Variants in SAMD9L observed in about 807,000 individuals in gnomAD.
The protein encoded by SAMD9L is sterile alpha motif domain containing 9 like, also known as sterile alpha motif domain-containing protein 9-like.
In SAMD9L, 68 loss-of-function variants were observed where a neutral mutation model predicts 90.7. The ratio of observed to expected loss-of-function variants is 0.75; its 90% CI spans 0.62 to 0.92. The LOEUF is 0.92. Ranked by LOEUF, SAMD9L falls within the 40% of genes least tolerant of loss-of-function variation. The pLI, the probability that SAMD9L is intolerant of heterozygous loss-of-function variation, is 0.00. For synonymous variants in SAMD9L, 640 were observed against 630.1 expected (o/e 1.02, Z -0.23); for missense variants, 1,604 against 1,824.3 (o/e 0.88, Z 2.20).
At position 93,132,834 on chromosome 7, in the gene SAMD9L, C is replaced by A. The variant is rs1195994018; in HGVS notation, c.3138G>T (p.Val1046=). The A allele has an allele frequency of 6.2e-7, 1 of 1,613,798 alleles. No individual in the cohort carries two copies. Among genetic ancestry groups the A allele is most frequent in the Non-Finnish European group, 8.5e-7 (1 of 1,179,792 alleles). Residue 1046 remains valine, a synonymous_variant, in exon 5 of 5, where the codon GTG becomes GTT. Transcript: ENST00000318238. Reference sequence around the variant, plus strand: ...ACAGAGTGTCTGTTTCATCTCCATACACCTTGCGCTGTCTTGTAAGCAGAA... The same window carrying A: ...ACAGAGTGTCTGTTTCATCTCCATAAACCTTGCGCTGTCTTGTAAGCAGAA... ...QTLLLTRQRK[V]YGDETDTLFS... is the part of the protein sequence containing the mutation.
rs138514804 is a variant in SAMD9L, at chr7:93,135,536, C to T, written c.436G>A (p.Ala146Thr). The change falls in exon 5 of 5, where the codon GCA becomes ACA. Residue 146 changes from alanine to threonine, a missense_variant. Physicochemically the swap from Ala to Thr is moderately conservative, Grantham distance 58. This residue lies in a region of SAMD9L where 374 missense variants were observed against 363.6 expected (regional missense o/e 1.03). Coordinates refer to ENST00000318238, the MANE Select transcript of SAMD9L (RefSeq NM_152703.5). ...CCCTTTTTCTTGTGTTTAGCATTTG[C>T]TACTTCATCTAACACATTTTCTTTC... Reference protein sequence around the residue: ...LMKENVLDEVANAKHKKKGKL... With the variant: ...LMKENVLDEVTNAKHKKKGKL... 3.7e-6 allele frequency: 6 copies of T among 1,613,852 alleles called. No individual in the cohort carries two copies. In the African/African-American group the frequency reaches 8.0e-5, roughly 22 times the overall value.
chr7:93,132,034 C>T lies in SAMD9L; in HGVS notation c.3938G>A (p.Cys1313Tyr), dbSNP rs751866365. The stretch of plus-strand genomic sequence containing the variant: ...TTGACTCTCTTTACTTTGTAATAGA[C>T]ATGGATCCAAATGACAGAAAAGTTC... ...YTELFCHLDP[C>Y]LLQSKESQLL... The change falls in exon 5 of 5, where the codon TGT (cysteine) becomes TAT (tyrosine). Residue 1313 changes from cysteine (C) to tyrosine (Y), a missense_variant. Cys to Tyr is a radical substitution (Grantham distance 194, BLOSUM62 -2). Around this residue, in one of 7 missense-constraint regions of SAMD9L, gnomAD observed 282 missense variants for 329.6 expected, o/e 0.86. Transcript: ENST00000318238. 6.2e-7 allele frequency: 1 copy of T among 1,613,452 alleles called. No homozygotes were observed. The highest frequency in any genetic ancestry group is 1.3e-5 in the African/African-American group (1 of 74,902).
At chr7:93,139,455 AG>A (rs1345255639) in intron 4 of SAMD9L, among the ~76,000 whole-genome samples, 1 of 152,152 alleles carries the variant, frequency 6.6e-6, no homozygotes, top group East Asian at 1.9e-4. Context: ...TTTTGTGAAA[AG>A]GGGAAACTTG....
At chr7:93,140,204 C>T (rs911807934) in intron 4 of SAMD9L, among the ~76,000 whole-genome samples, 3 of 150,982 alleles carry the variant, frequency 2.0e-5, no homozygotes, top group African/African-American at 7.3e-5. Flanking sequence ...CATGGTTGGA[C>T]AATGGGCCTC....
At chr7:93,144,595 T>G (rs1792821437) in intron 4 of SAMD9L, 137 bp downstream of exon 4, 2 of 152,268 alleles carry the variant, frequency 1.3e-5, no homozygotes, top group South Asian at 4.1e-4. Context: ...GATAATAAAT[T>G]TTAGGATCTA....
chr7:93,134,137 A>G lies in SAMD9L; in HGVS notation c.1835T>C (p.Leu612Ser). Residue 612 changes from leucine to serine, a missense_variant, in exon 5 of 5, where the codon TTA (leucine) becomes TCA (serine). Physicochemically the swap from Leu to Ser is moderately radical, Grantham distance 145 (BLOSUM62 -2). Coordinates refer to ENST00000318238, the MANE Select transcript of SAMD9L (RefSeq NM_152703.5). ...AGTGCTGTTTACCAGTTCTATATTT[A>G]AAGTGGAAATACTGTGGTTTGTTAG... ...DELTNHSIST[L>S]NIELVNSTIL... 1.2e-6 allele frequency: 2 copies of G among 1,613,974 alleles called. No homozygotes were observed. Among genetic ancestry groups the G allele is most frequent in the Non-Finnish European group, 1.7e-6 (2 of 1,179,878 alleles).
rs1426277968 is a variant in SAMD9L at position 93,145,532 on chromosome 7, G to C, written c.-270C>G. ...TGGAAAGCAGCTATGAGGAAGCAGA[G>C]CTGTAGGCAGAACAGACTTGGTCCT... On this transcript the variant is annotated 5_prime_UTR_variant, in exon 3 of 5. Transcript: ENST00000318238. The C allele has an allele frequency of 2.0e-5, 3 of 152,200 alleles. No individual in the cohort carries two copies. The highest frequency in any genetic ancestry group is 4.4e-5 in the Non-Finnish European group (3 of 68,044). 9.4% of individuals were successfully genotyped at this position (152,200 alleles called of 1,614,324 possible).
chr7:93,148,232 A>G lies in SAMD9L; in HGVS notation c.-1081T>C, dbSNP rs1417171878. On this transcript the variant is annotated 5_prime_UTR_variant, in exon 1 of 5. Transcript: ENST00000318238. ...AAAATGTCATCGTTTTATATCAGAAACTTGAAACAGGCCATTTGAACTTTT... is the reference window on the plus strand; with the variant it reads ...AAAATGTCATCGTTTTATATCAGAAGCTTGAAACAGGCCATTTGAACTTTT... 1 of 152,206 alleles carries G rather than the reference A, an allele frequency of 6.6e-6. No individual in the cohort carries two copies. The highest frequency in any genetic ancestry group is 2.4e-5 in the African/African-American group (1 of 41,448). 9.4% of individuals were successfully genotyped at this position (152,206 alleles called of 1,614,324 possible).
Position 93,135,211 on chromosome 7 carries a change from A to C in SAMD9L, c.761T>G (p.Ile254Ser). The change falls in exon 5 of 5, where the codon ATC becomes AGC. Residue 254 changes from isoleucine (I) to serine (S), a missense_variant. Ile to Ser is a moderately radical substitution (Grantham distance 142). This residue lies in a region of SAMD9L where 374 missense variants were observed against 363.6 expected (regional missense o/e 1.03). Coordinates refer to ENST00000318238, the MANE Select transcript of SAMD9L (RefSeq NM_152703.5). ...KPHGEIVGVK[I>S]TSKAAFIDHF... ...GTCAATGAAGGCAGCCTTACTGGTG[A>C]TTTTCACACCAACAATTTCTCCATG... The C allele has an allele frequency of 6.2e-7, 1 of 1,614,050 alleles. No individual in the cohort carries two copies. Among genetic ancestry groups the C allele is most frequent in the Non-Finnish European group, 8.5e-7 (1 of 1,179,974 alleles).
At position 93,132,974 on chromosome 7, in the gene SAMD9L, G is replaced by T; in HGVS notation, c.2998C>A (p.Leu1000Met). 6.2e-7 allele frequency: 1 copy of T among 1,613,382 alleles called. No homozygotes were observed. The highest frequency in any genetic ancestry group is 8.5e-7 in the Non-Finnish European group (1 of 1,179,620). Residue 1000 changes from leucine (L) to methionine (M), a missense_variant, in exon 5 of 5, where the codon CTG becomes ATG. Leu to Met is a conservative substitution (Grantham distance 15, BLOSUM62 2). Transcript: ENST00000318238. The stretch of plus-strand genomic sequence containing the variant: ...TTATCCAAGTGATAGCTTCTTTCCA[G>T]TTCTTTTAGACAGTACAGGGCAATC... Reference protein sequence around the residue: ...PLIALYCLKELERSYHLDKCQ... With the variant: ...PLIALYCLKEMERSYHLDKCQ...
intron 4 of SAMD9L, among the ~76,000 whole-genome samples, chr7:93,139,805 C>T (rs1792609842): frequency 6.6e-6 from 1 of 152,182 alleles, no homozygotes; most frequent in African/African-American, 2.4e-5. Flanking sequence ...CCACCATCTC[C>T]TGCCCCTCAG....
chr7:93,135,074 A>C lies in SAMD9L; in HGVS notation c.898T>G (p.Ser300Ala). The C allele has an allele frequency of 6.2e-7, 1 of 1,613,178 alleles. No homozygotes were observed. Among genetic ancestry groups the C allele is most frequent in the Non-Finnish European group, 8.5e-7 (1 of 1,179,774 alleles). ...VEVLLQNNTP[S>A]DRFVIEVDTI... ...TCAACTTCAATGACAAATCTGTCAG[A>C]TGGTGTATTGTTCTGCAGAAGGACT... The change falls in exon 5 of 5, where the codon TCT becomes GCT. Residue 300 changes from serine (S) to alanine (A), a missense_variant. Transcript: ENST00000318238.
At position 93,131,702 on chromosome 7, in the gene SAMD9L, G is replaced by T; in HGVS notation, c.4270C>A (p.Pro1424Thr). 6.2e-7 allele frequency: 1 copy of T among 1,613,890 alleles called. No homozygotes were observed. Among genetic ancestry groups the T allele is most frequent in the Non-Finnish European group, 8.5e-7 (1 of 1,179,872 alleles). ...AGGCAGGCCAAGAAATAAGGACCTG[G>T]ATATTGATGACTTAGTCCTACAAAT... Reference protein sequence around the residue: ...LQFVGLSHQYPGPYFLACLLF... With the variant: ...LQFVGLSHQYTGPYFLACLLF... The change falls in exon 5 of 5, where the codon CCA (proline) becomes ACA (threonine). Residue 1424 changes from proline to threonine, a missense_variant. By Grantham distance (38) the Pro-to-Thr change is conservative. Coordinates refer to ENST00000318238, the MANE Select transcript of SAMD9L (RefSeq NM_152703.5).
chr7:93,134,815 A>T lies in SAMD9L; in HGVS notation c.1157T>A (p.Met386Lys). 6.2e-7 allele frequency: 1 copy of T among 1,613,782 alleles called. No homozygotes were observed. The change falls in exon 5 of 5, where the codon ATG (methionine) becomes AAG (lysine). Residue 386 changes from methionine to lysine, a missense_variant. Coordinates refer to ENST00000318238, the MANE Select transcript of SAMD9L (RefSeq NM_152703.5). ...SRKEAEEEYG[M>K]KAMKKESEGL... Reference sequence around the variant, plus strand: ...TTCACTCTCCTTCTTCATTGCCTTCATTCCATACTCTTCTTCAGCCTCTTT... The same window carrying T: ...TTCACTCTCCTTCTTCATTGCCTTCTTTCCATACTCTTCTTCAGCCTCTTT...
chr7:93,134,784 T>A lies in SAMD9L; in HGVS notation c.1188A>T (p.Leu396=). 6.2e-7 allele frequency: 1 copy of A among 1,613,450 alleles called. No individual in the cohort carries two copies. The highest frequency in any genetic ancestry group is 8.5e-7 in the Non-Finnish European group (1 of 1,179,898). ...MKAMKKESEG[L]KLVKLLIGNR... is the part of the protein sequence containing the mutation. ...TTCCTATGAGAAGTTTAACCAGCTT[T>A]AGTCCTTCACTCTCCTTCTTCATTG... Residue 396 remains leucine (L), a synonymous_variant, in exon 5 of 5, where the codon CTA becomes CTT. Coordinates refer to ENST00000318238, the MANE Select transcript of SAMD9L (RefSeq NM_152703.5).
In SAMD9L at chr7:93,133,165, G is replaced by C. The variant is rs1420260468; in HGVS notation, c.2807C>G (p.Thr936Arg). Residue 936 changes from threonine (T) to arginine (R), a missense_variant, in exon 5 of 5, where the codon ACA becomes AGA. This residue lies in a region of SAMD9L where 606 missense variants were observed against 717.6 expected (regional missense o/e 0.84). Coordinates refer to ENST00000318238, the MANE Select transcript of SAMD9L (RefSeq NM_152703.5). ...ALLSSYVTDSTISVSQCEIFL... is the reference protein window; with the variant it reads ...ALLSSYVTDSRISVSQCEIFL... ...TATTTCACACTGTGAAACTGAAATT[G>C]TAGAGTCAGTAACATAAGAGCTGAG... 2 of 1,613,360 alleles carry C rather than the reference G, an allele frequency of 1.2e-6. No individual in the cohort carries two copies. Among genetic ancestry groups the C allele is most frequent in the African/African-American group, 2.7e-5 (2 of 74,892 alleles).
chr7:93,143,185 C>A (rs1269454704), intron 4 of SAMD9L, among the ~76,000 whole-genome samples: 1 of 152,174 alleles, frequency 6.6e-6, no homozygotes, highest in African/African-American at 2.4e-5. Flanking sequence ...GGGTGACTGG[C>A]ATCTGTGCTC....
Position 93,132,976 on chromosome 7 carries a change from TC to T in SAMD9L, c.2995del (p.Glu999AsnfsTer15). On this transcript the variant is annotated frameshift_variant, in exon 5 of 5. Transcript: ENST00000318238. LOFTEE classifies it high-confidence loss of function. ...ATCCAAGTGATAGCTTCTTTCCAGTTCTTTTAGACAGTACAGGGCAATCAGA... is the reference window on the plus strand; with the variant it reads ...ATCCAAGTGATAGCTTCTTTCCAGTTTTTTAGACAGTACAGGGCAATCAGA... ...HPLIALYCLK[E>X]LERSYHLDKC... 6.2e-7 allele frequency: 1 copy of T among 1,613,534 alleles called. No individual in the cohort carries two copies. The highest frequency in any genetic ancestry group is 8.5e-7 in the Non-Finnish European group (1 of 1,179,674).
Position 93,131,151 on chromosome 7 carries a change from TAG to T in SAMD9L, c.*64_*65del. 2.6e-5 allele frequency: 27 copies of T among 1,053,100 alleles called. No individual in the cohort carries two copies. The highest frequency in any genetic ancestry group is 3.5e-5 in the South Asian group (2 of 57,238). The allele number at this position is 1,053,100 out of a possible 1,614,324, so 65.2% of individuals were successfully genotyped here. A position where few individuals can be genotyped will look rare whatever the true frequency, so the allele number is the denominator to read the frequency against. On this transcript the variant is annotated 3_prime_UTR_variant, in exon 5 of 5. Coordinates refer to ENST00000318238, the MANE Select transcript of SAMD9L (RefSeq NM_152703.5). The stretch of plus-strand genomic sequence containing the variant: ...TAATGTTATGAAAGTGCCATGAGAA[TAG>T]AGAGAGAGAATAAAATCATAAAGAT...
Sources: gnomAD v4.1 joint callset for allele counts (sites outside exome capture counted in the v4.1 genomes callset) on GRCh38, gnomAD v4.1.1 for gene constraint, gnomAD v4.1.1 regional missense constraint, MANE v1.5 for transcripts, NCBI Gene and HGNC (gene_info 2026-07-23, HGNC 2026-07-21) for gene names.